Variants in STAT5B observed in about 807,000 individuals in gnomAD.
STAT5B encodes the protein transcription factor STAT5B.
A neutral mutation model predicts 107.8 loss-of-function variants in STAT5B; 21 were observed. The observed-to-expected ratio is 0.19, with a 90% CI of 0.14 to 0.28. The LOEUF (loss-of-function observed/expected upper bound fraction) is 0.28. STAT5B is among the 10% of genes least tolerant of loss of function. The probability of loss-of-function intolerance (pLI) is 1.00; values close to 1 mark genes in which losing one functional copy is unlikely to be tolerated. For synonymous variants in STAT5B, 325 were observed against 401.7 expected, an observed-to-expected ratio of 0.81 and a Z score of 2.28; for missense variants, 565 against 1,008.2, an observed-to-expected ratio of 0.56 and a Z score of 5.95.
intron 3 of STAT5B, 25 bp from the exon 4 acceptor site, chr17:42,224,893 C>A: frequency 6.2e-7 from 1 of 1,611,760 alleles, no homozygotes; most frequent in Non-Finnish European, 8.5e-7. Context: ...CAGCAGACAT[C>A]ACTTTGTGCC....
intron 3 of STAT5B, 76 bp from the exon 4 acceptor site, chr17:42,224,944 G>T: frequency 6.9e-7 from 1 of 1,452,194 alleles, no homozygotes; most frequent in Non-Finnish European, 9.6e-7. Context: ...AGGATGGGGA[G>T]CCTCCTGAGG....
chr17:42,231,729 A>AT (rs1812990992), intron 2 of STAT5B, among the ~76,000 whole-genome samples: 1 of 152,216 alleles, frequency 6.6e-6, no homozygotes, highest in Non-Finnish European at 1.5e-5. Context: ...CTTAGCAGTA[A>AT]TATTCTAATG....
chr17:42,215,362 C>T (rs1217105718), intron 12 of STAT5B, among the ~76,000 whole-genome samples: 1 of 152,156 alleles, frequency 6.6e-6, no homozygotes, highest in Non-Finnish European at 1.5e-5. Flanking sequence ...TGAGTACTGA[C>T]TGTGTGGCAA....
chr17:42,259,643 C>T lies in STAT5B; in HGVS notation c.-11+16605G>A, dbSNP rs562770918. ...ATCTACTAAAAATACAAAAATTAGC[C>T]GGGCGTGGTGGCAGGTGCCTGTAAT... On this transcript the variant is annotated intron_variant, in intron 1 of 18. Coordinates refer to ENST00000293328, the MANE Select transcript of STAT5B (RefSeq NM_012448.4). Among the ~76,000 whole-genome samples the T allele has an allele frequency of 2.6e-5, 4 of 152,008 alleles. No individual in the cohort carries two copies. The East Asian group carries it at 5.8e-4, about 22-fold the overall frequency.
At chr17:42,201,905 C>G (rs1184867807) in intron 18 of STAT5B, 41 bp from the exon 19 acceptor site, 10 of 1,602,450 alleles carry the variant, frequency 6.2e-6, no homozygotes, top group Non-Finnish European at 7.7e-6. Context: ...AGGGGAAAGC[C>G]TGCCAGAGAC....
At chr17:42,244,567 A>G (rs1173262479) in intron 1 of STAT5B, among the ~76,000 whole-genome samples, 1 of 152,166 alleles carries the variant, frequency 6.6e-6, no homozygotes, top group East Asian at 1.9e-4. Context: ...CTCTTGTTTG[A>G]AAGTTAAAAA....
chr17:42,230,736 C>T (rs566543031), intron 2 of STAT5B, among the ~76,000 whole-genome samples: 1 of 152,194 alleles, frequency 6.6e-6, no homozygotes, highest in South Asian at 2.1e-4. Flanking sequence ...TCTCGGCTCA[C>T]TGCAACCTCT....
intron 1 of STAT5B, chr17:42,235,295 C>T (rs2080347855): frequency 6.6e-6 from 1 of 152,134 alleles, no homozygotes; most frequent in Non-Finnish European, 1.5e-5. Context: ...TTTTGTTCAC[C>T]GTGCTTTCTC....
rs1418298879 is a variant in STAT5B at position 42,200,885 on chromosome 17, C to A, written c.*853G>T. The A allele has an allele frequency of 2.8e-5, 11 of 393,780 alleles. No homozygotes were observed. In the East Asian group the frequency reaches 3.9e-4, roughly 14 times the overall value. The allele number at this position is 393,780 out of a possible 1,614,324, so 24.4% of individuals were successfully genotyped here. A position where few individuals can be genotyped will look rare whatever the true frequency, so the allele number is the denominator to read the frequency against. ...GGGTAACCAGGCAACAATCTCAGCGCCTGGGAGTCAGGGCTGCGCACTCCA... is the reference window on the plus strand; with the variant it reads ...GGGTAACCAGGCAACAATCTCAGCGACTGGGAGTCAGGGCTGCGCACTCCA... On this transcript the variant is annotated 3_prime_UTR_variant, in exon 19 of 19. Coordinates refer to ENST00000293328, the MANE Select transcript of STAT5B (RefSeq NM_012448.4).
the STAT5B span, among the ~76,000 whole-genome samples, chr17:42,282,762 C>T: frequency 6.6e-6 from 1 of 152,198 alleles, no homozygotes; most frequent in East Asian, 1.9e-4. Context: ...AGGGTCTGCA[C>T]CAGGACCTTA....
At chr17:42,238,095 T>C (rs73313638) in intron 1 of STAT5B, among the ~76,000 whole-genome samples, 10 of 140,996 alleles carry the variant, frequency 7.1e-5, no homozygotes, top group African/African-American at 2.8e-4. Context: ...TAAACTTTTC[T>C]ATCCATCCAT....
chr17:42,228,384 C>T (rs1281714427), intron 2 of STAT5B, among the ~76,000 whole-genome samples: 2 of 152,200 alleles, frequency 1.3e-5, no homozygotes, highest in African/African-American at 4.8e-5. Context: ...TCCCTCCCTC[C>T]TTTCTTTCCT....
intron 1 of STAT5B, among the ~76,000 whole-genome samples, chr17:42,268,911 C>T (rs2080697558): frequency 6.6e-6 from 1 of 152,060 alleles, no homozygotes; most frequent in African/African-American, 2.4e-5. Flanking sequence ...CTGATGAATT[C>T]CAATTTTTAG....
At chr17:42,215,993 A>G (rs368610657) in intron 12 of STAT5B, 21 bp downstream of exon 12, 104 of 1,612,890 alleles carry the variant, frequency 6.4e-5, no homozygotes, top group Non-Finnish European at 8.0e-5. Flanking sequence ...TGGGACCCAC[A>G]TGCCCGAGGA....
At chr17:42,224,541 C>T (rs1047532553) in intron 4 of STAT5B, among the ~76,000 whole-genome samples, 2 of 151,964 alleles carry the variant, frequency 1.3e-5, no homozygotes. Context: ...GGGGTTTCAT[C>T]ATGTTGCCCA....
intron 12 of STAT5B, among the ~76,000 whole-genome samples, chr17:42,212,881 C>A (rs1344060938): frequency 6.6e-6 from 1 of 152,256 alleles, no homozygotes; most frequent in Non-Finnish European, 1.5e-5. Flanking sequence ...TGTCTCCCAG[C>A]AACCCAGTTC....
chr17:42,200,243 C>T lies in STAT5B; in HGVS notation c.*1495G>A, dbSNP rs1225703306. Reference sequence around the variant, plus strand: ...TAAAAAAAATATGTTTATTTACTCTCATGTATAAAAATAAGGTTTTTGGGG... The same window carrying T: ...TAAAAAAAATATGTTTATTTACTCTTATGTATAAAAATAAGGTTTTTGGGG... On this transcript the variant is annotated 3_prime_UTR_variant, in exon 19 of 19. Coordinates refer to ENST00000293328, the MANE Select transcript of STAT5B (RefSeq NM_012448.4). The T allele has an allele frequency of 1.3e-5, 2 of 152,732 alleles. No individual in the cohort carries two copies. The highest frequency in any genetic ancestry group is 4.8e-5 in the African/African-American group (2 of 41,444). 9.5% of individuals were successfully genotyped at this position (152,732 alleles called of 1,614,324 possible). A position where few individuals can be genotyped will look rare whatever the true frequency, so the allele number is the denominator to read the frequency against.
intron 1 of STAT5B, among the ~76,000 whole-genome samples, chr17:42,261,846 C>T (rs999919185): frequency 1.3e-5 from 2 of 152,142 alleles, no homozygotes; most frequent in Non-Finnish European, 2.9e-5. Flanking sequence ...AGGCATGGGC[C>T]ACCATGCCCA....
intron 1 of STAT5B, among the ~76,000 whole-genome samples, chr17:42,237,607 C>G (rs2080366890): frequency 6.6e-6 from 1 of 151,950 alleles, no homozygotes; most frequent in African/African-American, 2.4e-5. Context: ...TAATATTATG[C>G]ATAATATGAA....
Sources: gnomAD v4.1 joint callset for allele counts (sites outside exome capture counted in the v4.1 genomes callset) on GRCh38, gnomAD v4.1.1 for gene constraint, MANE v1.5 for transcripts, NCBI Gene and HGNC (gene_info 2026-07-23, HGNC 2026-07-21) for gene names.